NALF1: variants seen among roughly 807,000 people sequenced by gnomAD.
The protein encoded by NALF1 is NALCN channel auxiliary factor 1.
A neutral mutation model predicts 48.4 loss-of-function variants in NALF1; 3 were observed. The ratio of observed to expected loss-of-function variants is 0.06; its 90% CI spans 0.03 to 0.16. NALF1 has a LOEUF of 0.16. NALF1 is among the 10% of genes least tolerant of loss of function. The pLI is 1.00. For synonymous variants in NALF1, 262 were observed against 245.7 expected, an observed-to-expected ratio of 1.07 and a Z score of -0.62; for missense variants, 526 against 571.5, an observed-to-expected ratio of 0.92 and a Z score of 0.81.
chr13:107,467,991 T>G lies in NALF1; in HGVS notation c.916-257236A>C, dbSNP rs1885035205. On this transcript the variant is annotated intron_variant, in intron 1 of 2. Coordinates refer to ENST00000375915, the MANE Select transcript of NALF1 (RefSeq NM_001080396.3). ...TGAACCCGGGAGGCGGAGCTTGCAG[T>G]GAACTGAGATCGCGCCACTGCCCTC... Among the ~76,000 whole-genome samples, 3 of 145,676 alleles carry G rather than the reference T, an allele frequency of 2.1e-5. No individual in the cohort carries two copies. In the Admixed American group the frequency reaches 2.1e-4, roughly 10 times the overall value.
chr13:107,783,753 G>A (rs1226088238), intron 1 of NALF1, among the ~76,000 whole-genome samples: 1 of 151,102 alleles, frequency 6.6e-6, no homozygotes, highest in African/African-American at 2.4e-5. Flanking sequence ...CTCTGCCTAG[G>A]AAAACCAGAG....
chr13:107,210,835 C>T (rs1393487154), intron 1 of NALF1, 80 bp from the exon 2 acceptor site: 5 of 988,542 alleles, frequency 5.1e-6, no homozygotes, highest in South Asian at 1.4e-5. Context: ...AGCGTGCAAG[C>T]GTGCTGTGGT....
chr13:107,792,678 T>C (rs1266051193), intron 1 of NALF1, among the ~76,000 whole-genome samples: 1 of 152,222 alleles, frequency 6.6e-6, no homozygotes, highest in East Asian at 1.9e-4. Flanking sequence ...CAGATGTATG[T>C]TAGTTAAAGT....
intron 1 of NALF1, among the ~76,000 whole-genome samples, chr13:107,434,642 C>T (rs556891602): frequency 3.3e-5 from 5 of 152,164 alleles, no homozygotes; most frequent in Non-Finnish European, 5.9e-5. Context: ...AGCATCACAG[C>T]GGAAGAAAAC....
chr13:107,346,154 C>T (rs1042310774), intron 1 of NALF1, among the ~76,000 whole-genome samples: 13 of 151,464 alleles, frequency 8.6e-5, no homozygotes, highest in African/African-American at 2.9e-4. Flanking sequence ...GGAAACATTG[C>T]GTACTTTGTT....
intron 1 of NALF1, among the ~76,000 whole-genome samples, chr13:107,398,889 G>T (rs1016510725): frequency 6.6e-6 from 1 of 152,118 alleles, no homozygotes; most frequent in Non-Finnish European, 1.5e-5. Context: ...TTCACTGATG[G>T]CCAGGAGCAT....
At chr13:107,468,765 A>G (rs920199204) in intron 1 of NALF1, among the ~76,000 whole-genome samples, 2 of 152,208 alleles carry the variant, frequency 1.3e-5, no homozygotes, top group African/African-American at 4.8e-5. Context: ...GGTGATTTTA[A>G]CATTGGGAGT....
intron 1 of NALF1, among the ~76,000 whole-genome samples, chr13:107,425,058 T>C (rs796215661): frequency 6.6e-6 from 1 of 152,192 alleles, no homozygotes; most frequent in East Asian, 1.9e-4. Flanking sequence ...ACGTCTTCTC[T>C]AGCAAATGAA....
intron 1 of NALF1, among the ~76,000 whole-genome samples, chr13:107,240,644 G>C (rs1373076135): frequency 1.3e-5 from 2 of 152,114 alleles, no homozygotes; most frequent in Non-Finnish European, 2.9e-5. Flanking sequence ...GAACCAACCT[G>C]ATCTAAGGTG....
At chr13:107,695,858 C>A (rs954117235) in intron 1 of NALF1, among the ~76,000 whole-genome samples, 1 of 151,196 alleles carries the variant, frequency 6.6e-6, no homozygotes, top group Admixed American at 6.6e-5. Flanking sequence ...TAGTACAACT[C>A]AATAATGGAG....
intron 1 of NALF1, among the ~76,000 whole-genome samples, chr13:107,418,018 G>C (rs1257457502): frequency 6.6e-6 from 1 of 152,176 alleles, no homozygotes; most frequent in South Asian, 2.1e-4. Context: ...CTGAGATCAC[G>C]CCATTGAACT....
At chr13:107,752,414 T>C (rs553977854) in intron 1 of NALF1, among the ~76,000 whole-genome samples, 4 of 152,222 alleles carry the variant, frequency 2.6e-5, no homozygotes, top group African/African-American at 9.6e-5. Context: ...TATTGTATAA[T>C]AAATATCATG....
rs1477471320 is a variant in NALF1, at chr13:107,865,824, A to G, written c.773T>C (p.Met258Thr). 6.2e-7 allele frequency: 1 copy of G among 1,614,130 alleles called. No individual in the cohort carries two copies. Among genetic ancestry groups the G allele is most frequent in the Admixed American group, 1.7e-5 (1 of 60,012 alleles). Residue 258 changes from methionine (M) to threonine (T), a missense_variant, in exon 1 of 3, where the codon ATG becomes ACG. Around this residue, in one of 2 missense-constraint regions of NALF1, gnomAD observed 373 missense variants for 355.5 expected, o/e 1.05. Coordinates refer to ENST00000375915, the MANE Select transcript of NALF1 (RefSeq NM_001080396.3). ...CTCGACGCACTGCCTGCAAGTGGTC[A>G]TCTCGCCGCCTTCCTTGAGCACCAC... is the stretch of plus-strand genomic sequence containing the variant. Reference protein sequence around the residue: ...LDVVLKEGGEMTTCRQCVEAY... With the variant: ...LDVVLKEGGETTTCRQCVEAY...
chr13:107,545,317 TG>T (rs1413326778), intron 1 of NALF1, among the ~76,000 whole-genome samples: 3 of 151,822 alleles, frequency 2.0e-5, no homozygotes, highest in Non-Finnish European at 1.5e-5. Context: ...AAGCTGAGAG[TG>T]GGGCAGGAAA....
intron 1 of NALF1, among the ~76,000 whole-genome samples, chr13:107,805,284 T>A (rs1878742881): frequency 6.6e-6 from 1 of 152,182 alleles, no homozygotes; most frequent in Admixed American, 6.5e-5. Context: ...TTACAGATGA[T>A]ATGCAGTCTC....
At chr13:107,248,622 T>A (rs1250530745) in intron 1 of NALF1, among the ~76,000 whole-genome samples, 1 of 149,846 alleles carries the variant, frequency 6.7e-6, no homozygotes, top group Non-Finnish European at 1.5e-5. Flanking sequence ...TCAGATTAAT[T>A]CAAATGTAAA....
intron 1 of NALF1, among the ~76,000 whole-genome samples, chr13:107,490,053 A>G (rs569078973): frequency 6.6e-6 from 1 of 152,330 alleles, no homozygotes; most frequent in South Asian, 2.1e-4. Context: ...TACACCAGTC[A>G]GAATGGCTAT....
intron 1 of NALF1, among the ~76,000 whole-genome samples, chr13:107,293,769 T>TA (rs1202621011): frequency 1.3e-5 from 2 of 152,168 alleles, no homozygotes; most frequent in Non-Finnish European, 2.9e-5. Flanking sequence ...TTGCAAGAAG[T>TA]ACCTTCCATT....
chr13:107,348,087 G>A (rs1267932203), intron 1 of NALF1, among the ~76,000 whole-genome samples: 3 of 152,196 alleles, frequency 2.0e-5, no homozygotes, highest in Non-Finnish European at 4.4e-5. Context: ...GTTGTCCTTA[G>A]TTATCTAAAA....
Sources: gnomAD v4.1 joint callset for allele counts (sites outside exome capture counted in the v4.1 genomes callset) on GRCh38, gnomAD v4.1.1 for gene constraint, gnomAD v4.1.1 regional missense constraint, MANE v1.5 for transcripts, NCBI Gene and HGNC (gene_info 2026-07-23, HGNC 2026-07-21) for gene names.